Variants in DAB1 observed in about 807,000 individuals in gnomAD.
The protein encoded by DAB1 is disabled homolog 1.
In DAB1, 15 loss-of-function variants were observed where a neutral mutation model predicts 64.6. The ratio of observed to expected loss-of-function variants is 0.23; its 90% CI spans 0.16 to 0.36. DAB1 has a LOEUF of 0.36. Ranked by LOEUF, DAB1 falls within the 10% of genes least tolerant of loss-of-function variation. DAB1 has a pLI of 1.00. For synonymous variants in DAB1, 235 were observed against 251.9 expected, an observed-to-expected ratio of 0.93 and a Z score of 0.64; for missense variants, 596 against 706.7, an observed-to-expected ratio of 0.84 and a Z score of 1.78.
intron 4 of DAB1, among the ~76,000 whole-genome samples, chr1:58,190,044 G>A (rs1657302097): frequency 6.6e-6 from 1 of 151,964 alleles, no homozygotes; most frequent in Admixed American, 6.6e-5. Context: ...CTTTTGCCTC[G>A]GCTTCTGCTT....
intron 5 of DAB1, among the ~76,000 whole-genome samples, chr1:58,059,563 T>C (rs1463457354): frequency 6.6e-6 from 1 of 152,228 alleles, no homozygotes; most frequent in Non-Finnish European, 1.5e-5. Flanking sequence ...CTTTCTTTTG[T>C]TTAGCAAAGG....
chr1:57,312,701 A>C (rs1674827414), intron 1 of DAB1, among the ~76,000 whole-genome samples: 1 of 152,088 alleles, frequency 6.6e-6, no homozygotes, highest in African/African-American at 2.4e-5. Flanking sequence ...TTGTGCCTTG[A>C]ATGTAAAATG....
At position 58,145,721 on chromosome 1, in the gene DAB1, T is replaced by C. The variant is rs187193419; in HGVS notation, n.387+4790A>G. Among the ~76,000 whole-genome samples the C allele has an allele frequency of 8.5e-5, 13 of 152,274 alleles. No individual in the cohort carries two copies. In the East Asian group the frequency reaches 1.9e-3, roughly 23 times the overall value. Reference sequence around the variant, plus strand: ...ACTCAGCTTTTATCAAGGAGAAAAATAGAAAGTCAACTGTACCTACTACAT... The same window carrying C: ...ACTCAGCTTTTATCAAGGAGAAAAACAGAAAGTCAACTGTACCTACTACAT... On this transcript the variant is annotated intron_variant and non_coding_transcript_variant, in intron 5 of 20. Coordinates refer to the DAB1 transcript ENST00000485760.
intron 4 of DAB1, among the ~76,000 whole-genome samples, chr1:57,086,721 A>C (rs1403778100): frequency 6.7e-6 from 1 of 149,128 alleles, no homozygotes; most frequent in Non-Finnish European, 1.5e-5. Context: ...GGAGGGGGTC[A>C]GGGGGTGGTG....
At chr1:58,318,277 A>C (rs997599142) in intron 4 of DAB1, among the ~76,000 whole-genome samples, 4 of 152,152 alleles carry the variant, frequency 2.6e-5, no homozygotes, top group African/African-American at 9.7e-5. Context: ...TGGAGTCCAC[A>C]TGGTTCTTTG....
intron 5 of DAB1, among the ~76,000 whole-genome samples, chr1:57,978,415 T>TC (rs1645977157): frequency 6.6e-6 from 1 of 151,930 alleles, no homozygotes; most frequent in Non-Finnish European, 1.5e-5. Context: ...AAAAATCAAC[T>TC]CAAGATGGAT....
intron 6 of DAB1, among the ~76,000 whole-genome samples, chr1:57,744,217 AT>A (rs1212674048): frequency 6.6e-6 from 1 of 152,234 alleles, no homozygotes; most frequent in African/African-American, 2.4e-5. Flanking sequence ...GGCTGTTGGC[AT>A]CCATTAGAAT....
chr1:58,337,680 T>C (rs1468451007), intron 4 of DAB1, among the ~76,000 whole-genome samples: 2 of 152,132 alleles, frequency 1.3e-5, no homozygotes, highest in East Asian at 1.9e-4. Context: ...TAAAGAAGTA[T>C]AAGGGAAACA....
At chr1:57,886,030 CAT>C (rs1644215995), upstream of DAB1, among the ~76,000 whole-genome samples, 2 of 152,290 alleles carry the variant, frequency 1.3e-5, no homozygotes, top group South Asian at 4.1e-4. Flanking sequence ...TTTTAAAAAA[CAT>C]AATGGAATTT....
intron 4 of DAB1, among the ~76,000 whole-genome samples, chr1:57,099,277 A>T (rs554494784): frequency 5.5e-4 from 84 of 152,326 alleles, no homozygotes; most frequent in African/African-American, 2.0e-3. Flanking sequence ...TAAACTGAGG[A>T]TAATAGGGTT....
chr1:57,506,870 A>G (rs910169833), intron 7 of DAB1, among the ~76,000 whole-genome samples: 3 of 152,260 alleles, frequency 2.0e-5, no homozygotes, highest in East Asian at 1.9e-4. Flanking sequence ...CAACTCCCGT[A>G]GATTTGATCT....
In DAB1 at chr1:57,496,751, G is replaced by C. The variant is rs141290751; in HGVS notation, n.625+152841C>G. 4.5e-3 allele frequency among the ~76,000 whole-genome samples: 689 copies of C among 152,216 alleles called. 6 individuals are homozygous for C. The highest frequency in any genetic ancestry group is 5.8e-3 in the Non-Finnish European group (395 of 68,006). ...TTCAAATTCTCATTGATCACATAAG[G>C]AAACTGAGGAACAGAGAGAACATGA... On this transcript the variant is annotated intron_variant and non_coding_transcript_variant, in intron 7 of 20. Coordinates refer to the DAB1 transcript ENST00000485760.
chr1:57,375,467 G>C, intron 1 of DAB1, among the ~76,000 whole-genome samples: 1 of 152,202 alleles, frequency 6.6e-6, no homozygotes, highest in East Asian at 1.9e-4. Flanking sequence ...TATGATGCTT[G>C]CTATGTCCCA....
chr1:57,653,862 C>T (rs1377317232), intron 6 of DAB1, among the ~76,000 whole-genome samples: 5 of 152,150 alleles, frequency 3.3e-5, no homozygotes, highest in Non-Finnish European at 2.9e-5. Context: ...CCACCTTCCT[C>T]GGCCTCCCAA....
chr1:58,092,107 C>T (rs1323467351), intron 5 of DAB1, among the ~76,000 whole-genome samples: 1 of 151,924 alleles, frequency 6.6e-6, no homozygotes, highest in Non-Finnish European at 1.5e-5. Flanking sequence ...GTGGCGCAGG[C>T]GGGTGGATCA....
At chr1:57,441,049 T>C (rs1224350701) in intron 7 of DAB1, among the ~76,000 whole-genome samples, 1 of 152,064 alleles carries the variant, frequency 6.6e-6, no homozygotes, top group Admixed American at 6.5e-5. Context: ...TAGTCCACAG[T>C]GTCTATTGTT....
intron 4 of DAB1, among the ~76,000 whole-genome samples, chr1:58,268,782 A>C (rs1351830433): frequency 1.3e-5 from 2 of 152,170 alleles, no homozygotes; most frequent in Non-Finnish European, 2.9e-5. Context: ...TTTTTACGAA[A>C]TCTTAAAAGT....
chr1:58,392,978 T>C (rs1323942879), intron 3 of DAB1, among the ~76,000 whole-genome samples: 1 of 152,136 alleles, frequency 6.6e-6, no homozygotes, highest in Non-Finnish European at 1.5e-5. Context: ...ATCCCTCAAA[T>C]GTTGGGATCG....
chr1:57,065,256 G>A (rs987570639), intron 8 of DAB1, among the ~76,000 whole-genome samples: 2 of 152,116 alleles, frequency 1.3e-5, no homozygotes, highest in African/African-American at 4.8e-5. Flanking sequence ...GCCTTCCCCT[G>A]TATTCTGGTA....
Sources: gnomAD v4.1 joint callset for allele counts (sites outside exome capture counted in the v4.1 genomes callset) on GRCh38, gnomAD v4.1.1 for gene constraint, MANE v1.5 for transcripts, NCBI Gene and HGNC (gene_info 2026-07-23, HGNC 2026-07-21) for gene names.